PTGES2: variants seen among roughly 807,000 people sequenced by gnomAD.
PTGES2 encodes prostaglandin E synthase 2, also known as GATE-binding factor 1.
PTGES2 carries 35 observed loss-of-function variants against 44.5 expected under a neutral mutation model. That is an observed-to-expected ratio of 0.79 (90% CI 0.60 to 1.04). The LOEUF (loss-of-function observed/expected upper bound fraction) is 1.04. Ranked by LOEUF, PTGES2 falls within the 50% of genes least tolerant of loss-of-function variation. The pLI is 0.00. For synonymous variants in PTGES2, 221 were observed against 227.5 expected (o/e 0.97, Z 0.26); for missense variants, 517 against 521.4 (o/e 0.99, Z 0.08).
chr9:128,126,041 C>T (rs1352177136), intron 1 of PTGES2, among the ~76,000 whole-genome samples: 2 of 152,212 alleles, frequency 1.3e-5, no homozygotes, highest in East Asian at 1.9e-4. Context: ...CTCAAATATC[C>T]GAGGGGGAGG....
In PTGES2 at chr9:128,120,794, A is replaced by T. The variant is rs1054707770; in HGVS notation, c.*351T>A. 4.1e-6 allele frequency: 1 copy of T among 245,772 alleles called. No homozygotes were observed. The highest frequency in any genetic ancestry group is 2.3e-5 in the African/African-American group (1 of 44,118). 15.2% of individuals were successfully genotyped at this position (245,772 alleles called of 1,614,324 possible). ...GGAAGAGTGGGAACCAGGGGAACCC[A>T]GGGATGGGATTCCACTGAAAACAAA... On this transcript the variant is annotated 3_prime_UTR_variant, in exon 7 of 7. Coordinates refer to ENST00000338961, the MANE Select transcript of PTGES2 (RefSeq NM_025072.7).
rs761211168 is a variant in PTGES2 at position 128,120,875 on chromosome 9, C to T, written c.*270G>A. 1 of 493,128 alleles carries T rather than the reference C, an allele frequency of 2.0e-6. No homozygotes were observed. The highest frequency in any genetic ancestry group is 3.6e-6 in the Non-Finnish European group (1 of 278,812). The allele number at this position is 493,128 out of a possible 1,614,324, so 30.5% of individuals were successfully genotyped here. ...CCACAGGATGTAGCCATGGGACAGC[C>T]ACTGAGGGTCCAGGAAGAGGGGCGG... On this transcript the variant is annotated 3_prime_UTR_variant, in exon 7 of 7. Transcript: ENST00000338961.
chr9:128,125,358 G>C lies in PTGES2; in HGVS notation c.363C>G (p.Asp121Glu). Residue 121 changes from aspartate to glutamate, a missense_variant, in exon 2 of 7, where the codon GAC (aspartate) becomes GAG (glutamate). Physicochemically the swap from Asp to Glu is conservative, Grantham distance 45. Coordinates refer to ENST00000338961, the MANE Select transcript of PTGES2 (RefSeq NM_025072.7). ...PFCSKVRAFL[D>E]FHALPYQVVE... The stretch of plus-strand genomic sequence containing the variant: ...CCACCTGGTAGGGCAGGGCATGGAA[G>C]TCGAGGAAGGCTCGGACCTTGCTGC... 6.2e-7 allele frequency: 1 copy of C among 1,614,200 alleles called. No individual in the cohort carries two copies. The highest frequency in any genetic ancestry group is 8.5e-7 in the Non-Finnish European group (1 of 1,180,018).
At chr9:128,128,279 A>G, upstream of PTGES2, 1 of 455,858 alleles carries the variant, frequency 2.2e-6, no homozygotes. Context: ...CGTGTCTCTG[A>G]TTTCGCCCAC....
chr9:128,127,292 A>T (rs4837242), intron 1 of PTGES2, 147 bp downstream of exon 1: 1 of 616,286 alleles, frequency 1.6e-6, no homozygotes, highest in Non-Finnish European at 2.3e-6. Context: ...TTTTACACAA[A>T]AGAATACAGA....
In PTGES2 at chr9:128,122,976, C is replaced by T. The variant is rs776254963; in HGVS notation, c.845G>A (p.Gly282Asp). Residue 282 changes from glycine to aspartate, a missense_variant, in exon 5 of 7, where the codon GGT (glycine) becomes GAT (aspartate). Gly to Asp is a moderately conservative substitution (Grantham distance 94). Coordinates refer to ENST00000338961, the MANE Select transcript of PTGES2 (RefSeq NM_025072.7). ...AVEGAVAKYM[G>D]AAAMYLISKR... Reference sequence around the variant, plus strand: ...GCTGATGAGGTACATGGCCGCTGCACCCATGTACTTGGCCACGGCACCCTC... The same window carrying T: ...GCTGATGAGGTACATGGCCGCTGCATCCATGTACTTGGCCACGGCACCCTC... 1.9e-6 allele frequency: 3 copies of T among 1,614,054 alleles called. No individual in the cohort carries two copies. Among genetic ancestry groups the T allele is most frequent in the East Asian group, 4.5e-5 (2 of 44,872 alleles).
chr9:128,124,823 T>TA, intron 2 of PTGES2: 3 of 1,282,146 alleles, frequency 2.3e-6, no homozygotes, highest in Non-Finnish European at 3.0e-6. Flanking sequence ...TTCTGGAAGC[T>TA]ACATACTAGA....
At position 128,127,655 on chromosome 9, in the gene PTGES2, C is replaced by A; in HGVS notation, c.63G>T (p.Arg21Ser). The A allele has an allele frequency of 7.8e-7, 1 of 1,280,102 alleles. No individual in the cohort carries two copies. Among genetic ancestry groups the A allele is most frequent in the Non-Finnish European group, 9.9e-7 (1 of 1,014,060 alleles). 79.3% of individuals were successfully genotyped at this position (1,280,102 alleles called of 1,614,324 possible). A position where few individuals can be genotyped will look rare whatever the true frequency, so the allele number is the denominator to read the frequency against. Residue 21 changes from arginine (R) to serine (S), a missense_variant, in exon 1 of 7, where the codon AGG (arginine) becomes AGT (serine). Arg to Ser is a moderately radical substitution (Grantham distance 110, BLOSUM62 -1). Transcript: ENST00000338961. Reference sequence around the variant, plus strand: ...GCAGCGGCTGGGGGCGGCCTCCCAGCCTCCAGGCCAAGGCGCACCCACCAG... The same window carrying A: ...GCAGCGGCTGGGGGCGGCCTCCCAGACTCCAGGCCAAGGCGCACCCACCAG... ...LWPGGCALAW[R>S]LGGRPQPLLP...
Position 128,123,287 on chromosome 9 carries a change from C to A in PTGES2, c.687-153G>T, listed in dbSNP as rs1366362892. ...TTTGAGACAAAGTCTCGCTCTGTCACCCAGGCTGGAGTGCAATGGCACCAT... is the reference window on the plus strand; with the variant it reads ...TTTGAGACAAAGTCTCGCTCTGTCAACCAGGCTGGAGTGCAATGGCACCAT... On this transcript the variant is annotated intron_variant, in intron 4 of 6. Transcript: ENST00000338961. The surrounding 1 kb of genome is among the most constrained non-coding windows in gnomAD (Gnocchi z 4.4). Among the ~76,000 whole-genome samples, 1 of 151,908 alleles carries A rather than the reference C, an allele frequency of 6.6e-6. No homozygotes were observed. Among genetic ancestry groups the A allele is most frequent in the Non-Finnish European group, 1.5e-5 (1 of 67,940 alleles).
In PTGES2 at chr9:128,124,370, C is replaced by A. The variant is rs1178621653; in HGVS notation, c.536+122G>T. On this transcript the variant is annotated intron_variant, in intron 3 of 6. Transcript: ENST00000338961. Reference sequence around the variant, plus strand: ...AAGTGCTGGGATTACAGGTGCGAGCCACTCTGTACTCTGGAAATCTAAGCA... The same window carrying A: ...AAGTGCTGGGATTACAGGTGCGAGCAACTCTGTACTCTGGAAATCTAAGCA... 3.7e-5 allele frequency: 30 copies of A among 808,960 alleles called. 1 individual carries two copies. Among genetic ancestry groups the A allele is most frequent in the Non-Finnish European group, 5.9e-5 (30 of 507,180 alleles). The allele number at this position is 808,960 out of a possible 1,614,324, so 50.1% of individuals were successfully genotyped here.
intron 1 of PTGES2, 107 bp from the exon 2 acceptor site, chr9:128,125,548 C>G: frequency 9.7e-7 from 1 of 1,026,684 alleles, no homozygotes; most frequent in South Asian, 1.5e-5. Flanking sequence ...GCTAGAACAT[C>G]GGGAAGAGGA....
At chr9:128,124,990 C>T (rs781524610) in intron 2 of PTGES2, 51 of 776,514 alleles carry the variant, frequency 6.6e-5, no homozygotes, top group African/African-American at 4.7e-4. Flanking sequence ...AAACCCAGAT[C>T]GCTGATTTCA....
At chr9:128,121,735 A>C (rs1369416808) in intron 6 of PTGES2, among the ~76,000 whole-genome samples, 1 of 152,164 alleles carries the variant, frequency 6.6e-6, no homozygotes, top group African/African-American at 2.4e-5. Context: ...CAACATACTG[A>C]AACTCTGTCT....
At chr9:128,125,532 A>C in intron 1 of PTGES2, 91 bp from the exon 2 acceptor site, 1 of 1,193,328 alleles carries the variant, frequency 8.4e-7, no homozygotes, top group Non-Finnish European at 1.2e-6. Flanking sequence ...AGTCTTCTGA[A>C]ATGACGCTAG....
chr9:128,123,891 C>T lies in PTGES2; in HGVS notation c.537-40G>A. The T allele has an allele frequency of 6.3e-7, 1 of 1,597,710 alleles. No individual in the cohort carries two copies. The highest frequency in any genetic ancestry group is 1.1e-5 in the South Asian group (1 of 90,406). ...ACAATATCACCCCAACTCCTTCCCCCTCCGTCCCCTGTGGCCGACCAACCC... is the reference window on the plus strand; with the variant it reads ...ACAATATCACCCCAACTCCTTCCCCTTCCGTCCCCTGTGGCCGACCAACCC... On this transcript the variant is annotated intron_variant, in intron 3 of 6. Transcript: ENST00000338961. This position sits in a 1 kb window ranked among gnomAD's most constrained non-coding sequence, Gnocchi z 4.4.
At chr9:128,127,810 G>A (rs1834693576), upstream of PTGES2, 3 of 1,154,844 alleles carry the variant, frequency 2.6e-6, no homozygotes, top group South Asian at 7.9e-5. Context: ...CGCCCCGCGG[G>A]TTGGCCGGGG....
chr9:128,122,744 C>T (rs977460205), intron 5 of PTGES2, 190 bp downstream of exon 5: 2 of 672,340 alleles, frequency 3.0e-6, no homozygotes, highest in Non-Finnish European at 5.0e-6. Flanking sequence ...CTGCTGTCCC[C>T]AGGGGAGGTG....
intron 6 of PTGES2, among the ~76,000 whole-genome samples, chr9:128,121,503 C>T (rs995475908): frequency 1.3e-5 from 2 of 152,182 alleles, no homozygotes; most frequent in East Asian, 1.9e-4. Flanking sequence ...CCCTGCCCCC[C>T]AGCAAGTTTC....
Position 128,122,992 on chromosome 9 carries a change from C to T in PTGES2, c.829G>A (p.Val277Met), listed in dbSNP as rs183075576. ...EGKFGAVEGA[V>M]AKYMGAAAMY... is the part of the protein sequence containing the mutation. The stretch of plus-strand genomic sequence containing the variant: ...GCCGCTGCACCCATGTACTTGGCCA[C>T]GGCACCCTCCACGGCTCCGAACTTG... The change falls in exon 5 of 7, where the codon GTG becomes ATG. Residue 277 changes from valine to methionine, a missense_variant. Transcript: ENST00000338961. 23 of 1,613,888 alleles carry T rather than the reference C, an allele frequency of 1.4e-5. No individual in the cohort carries two copies. The highest frequency in any genetic ancestry group is 1.6e-4 in the Middle Eastern group (1 of 6,084).
Sources: allele counts gnomAD v4.1 joint callset (sites outside exome capture counted in the v4.1 genomes callset), GRCh38; gene constraint gnomAD v4.1.1; non-coding constraint Gnocchi (gnomAD v3.1); transcripts MANE v1.5; gene names NCBI Gene and HGNC (gene_info 2026-07-23, HGNC 2026-07-21).